Variants in SCN3A observed in about 807,000 individuals in gnomAD.
The protein encoded by SCN3A is sodium voltage-gated channel alpha subunit 3.
Under a neutral mutation model 187.6 loss-of-function variants are expected in SCN3A, and 60 were observed. That is an observed-to-expected ratio of 0.32 (90% confidence interval 0.26 to 0.40). The LOEUF is 0.40. Ranked by LOEUF, SCN3A falls within the 10% of genes least tolerant of loss-of-function variation. The pLI is 1.00. For missense variants in SCN3A, 1,601 were observed against 2,428.2 expected (o/e 0.66, Z 7.16); for synonymous variants, 788 against 829.2 (o/e 0.95, Z 0.85).
At chr2:165,142,239 C>A (rs1354275613) in intron 12 of SCN3A, among the ~76,000 whole-genome samples, 1 of 152,084 alleles carries the variant, frequency 6.6e-6, no homozygotes, top group Non-Finnish European at 1.5e-5. Flanking sequence ...TAGTGTAAAA[C>A]CAAATAAAAT....
intron 7 of SCN3A, 69 bp downstream of exon 7, chr2:165,163,549 T>C: frequency 6.5e-7 from 1 of 1,530,932 alleles, no homozygotes. Flanking sequence ...AGGCTAATGC[T>C]GTAAGTCATA....
chr2:165,143,308 A>G (rs1688123973), intron 12 of SCN3A, among the ~76,000 whole-genome samples: 1 of 152,064 alleles, frequency 6.6e-6, no homozygotes, highest in Admixed American at 6.6e-5. Flanking sequence ...CTATGTTCTG[A>G]AACTGTCTCT....
chr2:165,145,242 GTT>G (rs1409189823), intron 12 of SCN3A, among the ~76,000 whole-genome samples: 3 of 151,946 alleles, frequency 2.0e-5, no homozygotes, highest in Admixed American at 6.6e-5. Context: ...TTATGCTATA[GTT>G]TCATATACTC....
chr2:165,115,520 C>T lies in SCN3A; in HGVS notation c.3449G>A (p.Arg1150Gln), dbSNP rs775381308. ...EGSTVDVVLP[R>Q]EGEQAETEPE... Reference sequence around the variant, plus strand: ...TTCAGTTTCAGCTTGTTCACCTTCTCGGGGTAGAACAACATCAACTGTGCT... The same window carrying T: ...TTCAGTTTCAGCTTGTTCACCTTCTTGGGGTAGAACAACATCAACTGTGCT... The change falls in exon 19 of 28, where the codon CGA (arginine) becomes CAA (glutamine). Residue 1150 changes from arginine to glutamine, a missense_variant. Arg to Gln is a conservative substitution (Grantham distance 43). This residue lies in a region of SCN3A where 267 missense variants were observed against 313.2 expected (regional missense o/e 0.85). Coordinates refer to ENST00000283254, the MANE Select transcript of SCN3A (RefSeq NM_006922.4). The T allele has an allele frequency of 5.3e-5, 85 of 1,613,338 alleles. No homozygotes were observed. Among genetic ancestry groups the T allele is most frequent in the Middle Eastern group, 1.6e-4 (1 of 6,084 alleles).
chr2:165,158,356 T>C (rs1689185458), intron 9 of SCN3A, among the ~76,000 whole-genome samples: 2 of 137,978 alleles, frequency 1.4e-5, no homozygotes, highest in Non-Finnish European at 3.0e-5. Context: ...AATACATGTA[T>C]ATATTTTTGT....
At chr2:165,142,231 G>T (rs1258838346) in intron 12 of SCN3A, among the ~76,000 whole-genome samples, 1 of 152,084 alleles carries the variant, frequency 6.6e-6, no homozygotes, top group Non-Finnish European at 1.5e-5. Context: ...CTAAGCTTTA[G>T]TGTAAAACCA....
At chr2:165,163,795 T>C in intron 6 of SCN3A, 86 bp from the exon 7 acceptor site, 1 of 1,613,802 alleles carries the variant, frequency 6.2e-7, no homozygotes, top group East Asian at 2.2e-5. Flanking sequence ...CACCAGTTTC[T>C]TCTTACCTGG....
At chr2:165,152,447 T>C (rs1379748229) in intron 11 of SCN3A, among the ~76,000 whole-genome samples, 3 of 152,222 alleles carry the variant, frequency 2.0e-5, no homozygotes, top group Non-Finnish European at 1.5e-5. Flanking sequence ...AAGACAGCAA[T>C]AGAAATCATT....
At chr2:165,128,908 G>A (rs1687150730) in intron 17 of SCN3A, among the ~76,000 whole-genome samples, 1 of 152,066 alleles carries the variant, frequency 6.6e-6, no homozygotes, top group Admixed American at 6.6e-5. Flanking sequence ...GTTAATGCAG[G>A]AATAATTCAT....
rs749887845 is a variant in SCN3A at position 165,176,344 on chromosome 2, A to G, written c.51T>C (p.Phe17=). The G allele has an allele frequency of 3.7e-6, 6 of 1,614,084 alleles. No individual in the cohort carries two copies. The highest frequency in any genetic ancestry group is 3.3e-5 in the South Asian group (3 of 91,078). ...CGATAGCAGCAAGAGATTCTCTAGT[A>G]AAAAGGCGGAAGCTTTCAGGTCCTG... The part of the protein sequence containing the change: ...VPPGPESFRL[F]TRESLAAIEK... The change falls in exon 3 of 28, where the codon TTT becomes TTC. Residue 17 remains phenylalanine (F), a synonymous_variant. Coordinates refer to ENST00000283254, the MANE Select transcript of SCN3A (RefSeq NM_006922.4).
At chr2:165,097,211 A>T in intron 23 of SCN3A, 41 bp downstream of exon 23, 1 of 1,612,600 alleles carries the variant, frequency 6.2e-7, no homozygotes, top group East Asian at 2.2e-5. Context: ...TCCTTGAAAC[A>T]TCTTGAAAAC....
intron 9 of SCN3A, among the ~76,000 whole-genome samples, chr2:165,157,496 C>T (rs1689131689): frequency 6.6e-6 from 1 of 152,124 alleles, no homozygotes; most frequent in African/African-American, 2.4e-5. Context: ...CACATCATGC[C>T]AAGGGTACAT....
At position 165,090,462 on chromosome 2, in the gene SCN3A, A is replaced by G. The variant is rs1424599495; in HGVS notation, c.5691T>C (p.Arg1897=). The G allele has an allele frequency of 6.2e-7, 1 of 1,614,002 alleles. No individual in the cohort carries two copies. Among genetic ancestry groups the G allele is most frequent in the South Asian group, 1.1e-5 (1 of 91,084 alleles). ...SYEPITTTLK[R]KQEEVSAAII... ...TAGCGGCAGACACCTCCTCTTGTTTACGTTTCAAAGTGGTTGTAATAGGCT... is the reference window on the plus strand; with the variant it reads ...TAGCGGCAGACACCTCCTCTTGTTTGCGTTTCAAAGTGGTTGTAATAGGCT... Residue 1897 remains arginine (R), a synonymous_variant, in exon 28 of 28, where the codon CGT becomes CGC. Transcript: ENST00000283254. This position sits in a 1 kb window ranked among gnomAD's most constrained non-coding sequence, Gnocchi z 4.0.
intron 11 of SCN3A, among the ~76,000 whole-genome samples, chr2:165,148,380 C>A (rs1429413880): frequency 1.3e-5 from 2 of 152,026 alleles, no homozygotes; most frequent in African/African-American, 4.8e-5. Flanking sequence ...TATATAACAA[C>A]ATATTTTAGG....
intron 17 of SCN3A, among the ~76,000 whole-genome samples, chr2:165,129,559 A>G (rs1470091122): frequency 6.6e-6 from 1 of 152,226 alleles, no homozygotes; most frequent in Non-Finnish European, 1.5e-5. Flanking sequence ...TATAGAATAG[A>G]TAGTTGTCTT....
intron 1 of SCN3A, among the ~76,000 whole-genome samples, chr2:165,203,553 A>G (rs887457623): frequency 6.6e-6 from 1 of 152,054 alleles, no homozygotes; most frequent in African/African-American, 2.4e-5. Context: ...ATTTTTTCTG[A>G]ATACAATTAA....
intron 16 of SCN3A, 89 bp from the exon 17 acceptor site, chr2:165,130,385 C>T (rs944613720): frequency 3.6e-5 from 50 of 1,372,036 alleles, no homozygotes; most frequent in South Asian, 1.1e-4. Context: ...TAGAACCACA[C>T]GTGGTAGATG....
intron 15 of SCN3A, among the ~76,000 whole-genome samples, chr2:165,132,081 A>G (rs1406812381): frequency 6.6e-6 from 1 of 152,132 alleles, no homozygotes; most frequent in Admixed American, 6.5e-5. Flanking sequence ...AAGGGACGTG[A>G]AGGACCTCTT....
chr2:165,113,834 A>G lies in SCN3A; in HGVS notation c.3651T>C (p.Leu1217=). ...WFETFIVFMI[L]LSSGALAFED... ...CACTTACCAATGCACCACTACTGAG[A>G]AGGATCATGAACACAATGAAAGTCT... The change falls in exon 20 of 28, where the codon CTT becomes CTC. Residue 1217 remains leucine (L), a synonymous_variant. Transcript: ENST00000283254. The G allele has an allele frequency of 1.2e-6, 2 of 1,613,982 alleles. No individual in the cohort carries two copies. Among genetic ancestry groups the G allele is most frequent in the Non-Finnish European group, 8.5e-7 (1 of 1,179,918 alleles).
Sources: gnomAD v4.1 joint callset for allele counts (sites outside exome capture counted in the v4.1 genomes callset) on GRCh38, gnomAD v4.1.1 for gene constraint, gnomAD v4.1.1 regional missense constraint, Gnocchi (gnomAD v3.1) non-coding constraint, MANE v1.5 for transcripts, NCBI Gene and HGNC (gene_info 2026-07-23, HGNC 2026-07-21) for gene names.